FNIP2: variants seen among roughly 807,000 people sequenced by gnomAD.
FNIP2 encodes folliculin-interacting protein 2.
Under a neutral mutation model 108.7 loss-of-function variants are expected in FNIP2, and 32 were observed. The ratio of observed to expected loss-of-function variants is 0.29; its 90% CI spans 0.22 to 0.40. The LOEUF is 0.40. Among genes scored for constraint, FNIP2 ranks in the 10% least tolerant of loss-of-function variants. The probability of loss-of-function intolerance (pLI) is 1.00; values close to 1 mark genes in which losing one functional copy is unlikely to be tolerated. For synonymous variants in FNIP2, 480 were observed against 496.7 expected (o/e 0.97, Z 0.45); for missense variants, 1,202 against 1,381.6 (o/e 0.87, Z 2.06).
chr4:158,816,891 GTAGTTTC>G (rs1307233867), intron 1 of FNIP2, among the ~76,000 whole-genome samples: 1 of 151,432 alleles, frequency 6.6e-6, no homozygotes, highest in Non-Finnish European at 1.5e-5. Flanking sequence ...TTAAGTACAA[GTAGTTTC>G]TAGTTTATAG....
intron 9 of FNIP2, 124 bp downstream of exon 9, chr4:158,859,382 A>C: frequency 8.5e-7 from 1 of 1,175,536 alleles, no homozygotes; most frequent in Non-Finnish European, 1.2e-6. Context: ...TAGCAGTGAT[A>C]AATTTTAGGC....
At chr4:158,861,250 T>G (rs1007287111) in intron 10 of FNIP2, 92 bp from the exon 11 acceptor site, 1 of 1,395,794 alleles carries the variant, frequency 7.2e-7, no homozygotes, top group Non-Finnish European at 9.6e-7. Flanking sequence ...CTACATAGAT[T>G]CAAGTTGTTT....
chr4:158,904,462 T>C lies in FNIP2; in HGVS notation c.3267-4T>C. On this transcript the variant is annotated splice_polypyrimidine_tract_variant and splice_region_variant and intron_variant, in intron 16 of 16. Transcript: ENST00000264433. Reference sequence around the variant, plus strand: ...TAATATTCTTTTCTTTTCTCAATATTCAGGATTGAATCCAACGACCTGCCT... The same window carrying C: ...TAATATTCTTTTCTTTTCTCAATATCCAGGATTGAATCCAACGACCTGCCT... 6.2e-7 allele frequency: 1 copy of C among 1,610,860 alleles called. No individual in the cohort carries two copies. The highest frequency in any genetic ancestry group is 8.5e-7 in the Non-Finnish European group (1 of 1,177,800).
At chr4:158,851,828 A>G (rs1014457884) in intron 8 of FNIP2, among the ~76,000 whole-genome samples, 7 of 152,246 alleles carry the variant, frequency 4.6e-5, no homozygotes, top group African/African-American at 7.2e-5. Flanking sequence ...ATTCAAAAAT[A>G]TATGAAGTCA....
rs2126813308 is a variant in FNIP2 at position 158,904,787 on chromosome 4, A to G, written c.*243A>G. On this transcript the variant is annotated 3_prime_UTR_variant, in exon 17 of 17. Coordinates refer to ENST00000264433, the MANE Select transcript of FNIP2 (RefSeq NM_020840.3). ...GGCCATTTGTTACCCATGAATCAACAAAGAAACTGACCTTTTTGGTAGGAG... is the reference window on the plus strand; with the variant it reads ...GGCCATTTGTTACCCATGAATCAACGAAGAAACTGACCTTTTTGGTAGGAG... The G allele has an allele frequency of 2.1e-6, 1 of 472,042 alleles. No homozygotes were observed. Among genetic ancestry groups the G allele is most frequent in the Non-Finnish European group, 3.8e-6 (1 of 259,980 alleles). 29.2% of individuals were successfully genotyped at this position (472,042 alleles called of 1,614,324 possible).
intron 1 of FNIP2, among the ~76,000 whole-genome samples, chr4:158,819,398 AATTAAT>A (rs56187433): frequency 0.29 from 43,850 of 151,804 alleles, 6,996 homozygotes; most frequent in Non-Finnish European, 0.38. Flanking sequence ...ATTGTTTGTA[AATTAAT>A]ATTAATATCT....
At chr4:158,848,138 A>C (rs1034775939) in intron 7 of FNIP2, among the ~76,000 whole-genome samples, 1 of 152,222 alleles carries the variant, frequency 6.6e-6, no homozygotes, top group Non-Finnish European at 1.5e-5. Context: ...GTCTTCAGCA[A>C]ATACAGGCGG....
rs561480246 is a variant in FNIP2, at chr4:158,798,736, A to C, written c.108-27180A>C. ...GCAATGAAATGCCTTTATAAACTGG[A>C]AGAATGTCAGATGTTCTTTGTTTTG... On this transcript the variant is annotated intron_variant, in intron 1 of 16. Transcript: ENST00000264433. Among the ~76,000 whole-genome samples, 18 of 152,364 alleles carry C rather than the reference A, an allele frequency of 1.2e-4. No individual in the cohort carries two copies. The South Asian group carries it at 3.3e-3, about 28-fold the overall frequency.
intron 14 of FNIP2, among the ~76,000 whole-genome samples, chr4:158,886,202 G>A (rs1375627538): frequency 6.6e-6 from 1 of 152,180 alleles, no homozygotes; most frequent in Non-Finnish European, 1.5e-5. Flanking sequence ...AAAGTAGTTT[G>A]GGTAAACAAG....
chr4:158,884,978 T>TA (rs34333695), intron 14 of FNIP2, among the ~76,000 whole-genome samples: 1,721 of 120,162 alleles, frequency 0.014, 28 homozygotes, highest in African/African-American at 0.038. Context: ...CTACCTCTGC[T>TA]AAAAAAAAAA....
chr4:158,772,693 TAGTATA>T (rs1775734912), intron 1 of FNIP2, among the ~76,000 whole-genome samples: 2 of 152,214 alleles, frequency 1.3e-5, no homozygotes, highest in Admixed American at 6.5e-5. Flanking sequence ...GTTATAGAGT[TAGTATA>T]AGTATAATTT....
At chr4:158,823,306 C>T (rs1452438480) in intron 1 of FNIP2, among the ~76,000 whole-genome samples, 1 of 152,128 alleles carries the variant, frequency 6.6e-6, no homozygotes, top group Non-Finnish European at 1.5e-5. Flanking sequence ...CCCTCTGTCA[C>T]CCAGGCTGGA....
chr4:158,859,193 T>A lies in FNIP2; in HGVS notation c.994T>A (p.Phe332Ile). 6.2e-7 allele frequency: 1 copy of A among 1,613,314 alleles called. No homozygotes were observed. The highest frequency in any genetic ancestry group is 8.5e-7 in the Non-Finnish European group (1 of 1,179,574). The change falls in exon 9 of 17, where the codon TTC becomes ATC. Residue 332 changes from phenylalanine (F) to isoleucine (I), a missense_variant. Coordinates refer to ENST00000264433, the MANE Select transcript of FNIP2 (RefSeq NM_020840.3). ...KEEAQRNFQD[F>I]FFSHFPLFES... is the part of the protein sequence containing the mutation. ...AGAAGCACAAAGGAATTTCCAGGAC[T>A]TCTTCTTTTCTCATTTTCCCCTGTT...
chr4:158,825,546 C>T (rs1047904992), intron 1 of FNIP2, among the ~76,000 whole-genome samples: 5 of 152,220 alleles, frequency 3.3e-5, no homozygotes, highest in Non-Finnish European at 5.9e-5. Flanking sequence ...TCCTTTAACT[C>T]GGATATGCTG....
At chr4:158,778,975 A>G (rs1440088822) in intron 1 of FNIP2, among the ~76,000 whole-genome samples, 2 of 152,214 alleles carry the variant, frequency 1.3e-5, no homozygotes, top group Non-Finnish European at 2.9e-5. Context: ...TACGCCTACT[A>G]ACAGCATATG....
chr4:158,815,922 A>G lies in FNIP2; in HGVS notation c.108-9994A>G, dbSNP rs148092673. Among the ~76,000 whole-genome samples, 251 of 152,268 alleles carry G rather than the reference A, an allele frequency of 1.6e-3. 1 individual carries two copies. Among genetic ancestry groups the G allele is most frequent in the African/African-American group, 5.8e-3 (239 of 41,542 alleles). ...CTGTGTCAGTATAGCACTCCCTTGT[A>G]TGGATGTACCATAATTTATTTAATC... On this transcript the variant is annotated intron_variant, in intron 1 of 16. Coordinates refer to ENST00000264433, the MANE Select transcript of FNIP2 (RefSeq NM_020840.3).
At chr4:158,778,001 A>G (rs1402670066) in intron 1 of FNIP2, among the ~76,000 whole-genome samples, 1 of 152,182 alleles carries the variant, frequency 6.6e-6, no homozygotes, top group Non-Finnish European at 1.5e-5. Context: ...CCTCAGACAG[A>G]GTGGTAGTTG....
Position 158,859,605 on chromosome 4 carries a change from G to T in FNIP2, c.1087G>T (p.Glu363Ter). The change falls in exon 10 of 17, where the codon GAA (glutamate) becomes TAA (stop). Residue 363 changes from glutamate to a stop codon, truncating the protein, a stop_gained. Transcript: ENST00000264433. LOFTEE classifies it high-confidence loss of function. ...TATGATCTCCTGTAGGAAAATAGCA[G>T]AATCAAGTCTCCGAGTCCAGTTTTA... ...KAMISCRKIA[E>*]SSLRVQFYVS... 1 of 1,613,456 alleles carries T rather than the reference G, an allele frequency of 6.2e-7. No homozygotes were observed. Among genetic ancestry groups the T allele is most frequent in the Non-Finnish European group, 8.5e-7 (1 of 1,179,660 alleles).
rs551918009 is a variant in FNIP2 at position 158,906,263 on chromosome 4, C to T, written c.*1719C>T. The T allele has an allele frequency of 6.6e-6, 1 of 152,312 alleles. No homozygotes were observed. The highest frequency in any genetic ancestry group is 2.4e-5 in the African/African-American group (1 of 41,576). 9.4% of individuals were successfully genotyped at this position (152,312 alleles called of 1,614,324 possible). A position where few individuals can be genotyped will look rare whatever the true frequency, so the allele number is the denominator to read the frequency against. ...ACCTGTGGCTCAGCTCACCCCACAT[C>T]CGTTTCTCATTACGTGTAAATAAAC... On this transcript the variant is annotated 3_prime_UTR_variant, in exon 17 of 17. Transcript: ENST00000264433.
Sources: gnomAD v4.1 joint callset for allele counts (sites outside exome capture counted in the v4.1 genomes callset) on GRCh38, gnomAD v4.1.1 for gene constraint, MANE v1.5 for transcripts, NCBI Gene and HGNC (gene_info 2026-07-23, HGNC 2026-07-21) for gene names.